Variants in PRKG1 observed in about 807,000 individuals in gnomAD.
PRKG1 encodes the protein protein kinase cGMP-dependent 1, also known as cGMP-dependent protein kinase 1.
PRKG1 carries 35 observed loss-of-function variants against 88.1 expected under a neutral mutation model. The ratio of observed to expected loss-of-function variants is 0.40; its 90% CI spans 0.30 to 0.53. PRKG1 has a LOEUF of 0.53. Among genes scored for constraint, PRKG1 ranks in the 20% least tolerant of loss-of-function variants. The pLI, the probability that PRKG1 is intolerant of heterozygous loss-of-function variation, is 0.59. For synonymous variants in PRKG1, 303 were observed against 292.5 expected, an observed-to-expected ratio of 1.04 and a Z score of -0.37; for missense variants, 540 against 839.8, an observed-to-expected ratio of 0.64 and a Z score of 4.41.
In PRKG1 at chr10:52,293,891, A is replaced by T; in HGVS notation, c.2052A>T (p.Ile684=). ...PPPDDNSGWD[I]DF is the part of the protein sequence containing the mutation. The stretch of plus-strand genomic sequence containing the variant: ...CTGATGACAACTCAGGATGGGATAT[A>T]GACTTCTAATGTATTTCTCTTACCT... Residue 684 remains isoleucine (I), a synonymous_variant, in exon 18 of 18, where the codon ATA becomes ATT. Coordinates refer to ENST00000373980, the MANE Select transcript of PRKG1 (RefSeq NM_006258.4). 6.2e-7 allele frequency: 1 copy of T among 1,609,520 alleles called. No homozygotes were observed. Among genetic ancestry groups the T allele is most frequent in the Non-Finnish European group, 8.5e-7 (1 of 1,176,122 alleles).
intron 3 of PRKG1, among the ~76,000 whole-genome samples, chr10:51,671,937 C>A (rs1840591526): frequency 6.6e-6 from 1 of 152,162 alleles, no homozygotes; most frequent in Admixed American, 6.5e-5. Flanking sequence ...CTAATTATAT[C>A]TGCAAAGATC....
At chr10:51,486,055 C>T (rs906124707) in intron 3 of PRKG1, among the ~76,000 whole-genome samples, 11 of 152,074 alleles carry the variant, frequency 7.2e-5, no homozygotes, top group Non-Finnish European at 1.3e-4. Flanking sequence ...AAAGTGTTTC[C>T]GTTCATCTTG....
intron 3 of PRKG1, among the ~76,000 whole-genome samples, chr10:51,703,625 A>G (rs1347035801): frequency 6.6e-6 from 1 of 152,146 alleles, no homozygotes; most frequent in Non-Finnish European, 1.5e-5. Flanking sequence ...TATTTCAAGC[A>G]CTGACAATAC....
chr10:51,191,700 T>C (rs1837635698), intron 2 of PRKG1, among the ~76,000 whole-genome samples: 1 of 151,774 alleles, frequency 6.6e-6, no homozygotes, highest in Admixed American at 6.6e-5. Context: ...ACCATCAAAC[T>C]GAGGCTTAGA....
chr10:51,939,133 C>A (rs1348149522), intron 5 of PRKG1, among the ~76,000 whole-genome samples: 1 of 151,978 alleles, frequency 6.6e-6, no homozygotes, highest in Non-Finnish European at 1.5e-5. Flanking sequence ...CAGCTATTAT[C>A]TTATTTTATT....
rs543001403 is a variant in PRKG1, at chr10:51,160,928, G to T, written c.478+7598G>T. Among the ~76,000 whole-genome samples, 181 of 151,584 alleles carry T rather than the reference G, an allele frequency of 1.2e-3. 3 individuals are homozygous for T. The South Asian group carries it at 0.019, about 16-fold the overall frequency. ...TGTGTGCATGTGTGTGTCCATGAAG[G>T]TACATTCATAGCTTAGTTATGTGAG... On this transcript the variant is annotated intron_variant, in intron 2 of 17. Transcript: ENST00000373980.
At chr10:51,156,591 G>T (rs1018226848) in intron 2 of PRKG1, among the ~76,000 whole-genome samples, 1 of 151,908 alleles carries the variant, frequency 6.6e-6, no homozygotes, top group African/African-American at 2.4e-5. Flanking sequence ...GTTGTTGATT[G>T]CCTTCAATTA....
intron 7 of PRKG1, among the ~76,000 whole-genome samples, chr10:52,133,242 C>T (rs548793916): frequency 1.3e-5 from 2 of 152,170 alleles, no homozygotes; most frequent in South Asian, 2.1e-4. Context: ...AAATTAAATG[C>T]TTCTAAAGAG....
intron 3 of PRKG1, among the ~76,000 whole-genome samples, chr10:51,791,923 G>T (rs1289194476): frequency 1.3e-5 from 2 of 152,108 alleles, no homozygotes; most frequent in Non-Finnish European, 2.9e-5. Context: ...ACTGAAATAT[G>T]TTATGTTTAA....
intron 3 of PRKG1, among the ~76,000 whole-genome samples, chr10:51,790,304 A>T (rs1394493829): frequency 6.6e-6 from 1 of 152,070 alleles, no homozygotes; most frequent in African/African-American, 2.4e-5. Context: ...GTTAGTGCTA[A>T]TTTGTTCTCT....
chr10:51,523,211 A>G (rs1326646350), intron 3 of PRKG1, among the ~76,000 whole-genome samples: 1 of 152,174 alleles, frequency 6.6e-6, no homozygotes, highest in Non-Finnish European at 1.5e-5. Context: ...ACAATTCTGC[A>G]GTCATTTTGT....
chr10:51,856,857 G>A (rs577368413), intron 4 of PRKG1, among the ~76,000 whole-genome samples: 2 of 152,038 alleles, frequency 1.3e-5, no homozygotes, highest in Admixed American at 6.5e-5. Flanking sequence ...CCAGCTGCTC[G>A]GGAGGCTGAG....
intron 5 of PRKG1, among the ~76,000 whole-genome samples, chr10:51,955,696 C>A (rs1843286905): frequency 6.6e-6 from 1 of 152,092 alleles, no homozygotes; most frequent in African/African-American, 2.4e-5. Flanking sequence ...TATTCATGTT[C>A]TCTTAATGTT....
intron 3 of PRKG1, among the ~76,000 whole-genome samples, chr10:51,749,467 C>G (rs979370809): frequency 7.9e-5 from 12 of 152,098 alleles, no homozygotes; most frequent in Non-Finnish European, 1.3e-4. Flanking sequence ...AGAGATCACT[C>G]TCTCTTCCTC....
rs1417350040 is a variant in PRKG1 at position 51,247,067 on chromosome 10, G to A, written c.478+93737G>A. 2.0e-5 allele frequency among the ~76,000 whole-genome samples: 3 copies of A among 151,988 alleles called. No homozygotes were observed. In the East Asian group the frequency reaches 5.8e-4, roughly 29 times the overall value. On this transcript the variant is annotated intron_variant, in intron 2 of 17. Coordinates refer to ENST00000373980, the MANE Select transcript of PRKG1 (RefSeq NM_006258.4). Reference sequence around the variant, plus strand: ...AAGAGAAGGGAAAAGGTATGAGAAGGTAAATTGTACAAGAAGATGAATGGA... The same window carrying A: ...AAGAGAAGGGAAAAGGTATGAGAAGATAAATTGTACAAGAAGATGAATGGA...
In PRKG1 at chr10:51,473,620, T is replaced by C. The variant is rs544368176; in HGVS notation, c.592+5784T>C. On this transcript the variant is annotated intron_variant, in intron 3 of 17. Transcript: ENST00000373980. ...TTGATAAATTATTCTCCCTCTCCTTTTAATTACTAAAACATTGAATACTTT... is the reference window on the plus strand; with the variant it reads ...TTGATAAATTATTCTCCCTCTCCTTCTAATTACTAAAACATTGAATACTTT... Among the ~76,000 whole-genome samples, 9 of 152,092 alleles carry C rather than the reference T, an allele frequency of 5.9e-5. No homozygotes were observed. The South Asian group carries it at 1.9e-3, about 32-fold the overall frequency.
At chr10:51,266,968 T>C (rs1228995631) in intron 2 of PRKG1, among the ~76,000 whole-genome samples, 2 of 152,148 alleles carry the variant, frequency 1.3e-5, no homozygotes, top group African/African-American at 2.4e-5. Flanking sequence ...AACATTCCTT[T>C]CTTAGGAGCG....
At chr10:51,637,658 T>G (rs1371643567) in intron 3 of PRKG1, among the ~76,000 whole-genome samples, 2 of 152,150 alleles carry the variant, frequency 1.3e-5, no homozygotes, top group East Asian at 3.9e-4. Context: ...CTCAGCAAAC[T>G]AATGCAGGAA....
At chr10:51,034,684 A>T (rs1341719204) in intron 1 of PRKG1, among the ~76,000 whole-genome samples, 1 of 124,578 alleles carries the variant, frequency 8.0e-6, no homozygotes, top group South Asian at 2.5e-4. Flanking sequence ...ATATATATAT[A>T]TATATATATA....
Sources: gnomAD v4.1 joint callset for allele counts (sites outside exome capture counted in the v4.1 genomes callset) on GRCh38, gnomAD v4.1.1 for gene constraint, MANE v1.5 for transcripts, NCBI Gene and HGNC (gene_info 2026-07-23, HGNC 2026-07-21) for gene names.